The following PRELID2 variants were observed in gnomAD, a reference collection of about 807,000 sequenced individuals.
PRELID2 encodes PRELI domain containing 2, also known as PRELI domain-containing protein 2.
A neutral mutation model predicts 28.4 loss-of-function variants in PRELID2; 25 were observed. The ratio of observed to expected loss-of-function variants is 0.88; its 90% CI spans 0.64 to 1.23. The LOEUF (loss-of-function observed/expected upper bound fraction) is 1.23, where lower values mean the gene tolerates loss of function less well. Among genes scored for constraint, PRELID2 ranks in the 50% most tolerant of loss-of-function variants. The pLI is 0.00. For synonymous variants in PRELID2, 76 were observed against 71.6 expected, an observed-to-expected ratio of 1.06 and a Z score of -0.31; for missense variants, 201 against 214.4, an observed-to-expected ratio of 0.94 and a Z score of 0.39.
chr5:145,369,185 T>C, the PRELID2 span, among the ~76,000 whole-genome samples: 9 of 152,016 alleles, frequency 5.9e-5, no homozygotes, highest in African/African-American at 2.2e-4. Context: ...GGAATACATA[T>C]GCAGAACATA....
the PRELID2 span, among the ~76,000 whole-genome samples, chr5:145,448,857 C>T: frequency 6.6e-6 from 1 of 152,142 alleles, no homozygotes; most frequent in Admixed American, 6.6e-5. Flanking sequence ...AAATATTCAT[C>T]ATCATTCTAA....
At chr5:145,237,587 G>A in the PRELID2 span, among the ~76,000 whole-genome samples, 7 of 152,046 alleles carry the variant, frequency 4.6e-5, no homozygotes, top group Non-Finnish European at 1.0e-4. Context: ...CTGGTCTAAA[G>A]CCGACTTCTC....
the PRELID2 span, among the ~76,000 whole-genome samples, chr5:145,328,689 G>A: frequency 6.6e-6 from 1 of 151,474 alleles, no homozygotes; most frequent in Admixed American, 6.6e-5. Flanking sequence ...TTTGTCAGAA[G>A]GCTAGATTGT....
intron 1 of PRELID2, among the ~76,000 whole-genome samples, chr5:145,718,173 A>T (rs567083389): frequency 6.4e-4 from 98 of 152,196 alleles, no homozygotes; most frequent in African/African-American, 2.3e-3. Flanking sequence ...TCATCTACTT[A>T]GGAAAAACAA....
chr5:145,316,260 A>G, the PRELID2 span, among the ~76,000 whole-genome samples: 6 of 152,228 alleles, frequency 3.9e-5, no homozygotes, highest in African/African-American at 1.4e-4. Context: ...GTTTTGTAAC[A>G]GTTAATCATG....
downstream of PRELID2, among the ~76,000 whole-genome samples, chr5:145,754,687 C>T (rs1335564092): frequency 6.6e-6 from 1 of 152,096 alleles, no homozygotes; most frequent in African/African-American, 2.4e-5. Flanking sequence ...TATGGTGAAG[C>T]TTGGGATGAA....
chr5:145,604,269 T>A (rs1411098937), intron 1 of PRELID2, among the ~76,000 whole-genome samples: 9 of 152,040 alleles, frequency 5.9e-5, no homozygotes, highest in Admixed American at 5.9e-4. Flanking sequence ...AAGTAGGCCC[T>A]AGTGTCTGTT....
At chr5:145,701,220 A>C (rs180823731) in intron 1 of PRELID2, among the ~76,000 whole-genome samples, 4 of 152,334 alleles carry the variant, frequency 2.6e-5, no homozygotes, top group Admixed American at 2.0e-4. Flanking sequence ...TCTGAATCCA[A>C]ACCCAGGCAC....
chr5:145,687,989 C>T (rs893093047), intron 1 of PRELID2, among the ~76,000 whole-genome samples: 4 of 152,202 alleles, frequency 2.6e-5, no homozygotes, highest in African/African-American at 9.7e-5. Context: ...CATGGTGCAG[C>T]CTCAGAAAAG....
At chr5:145,804,229 T>G (rs1184920571) in intron 4 of PRELID2, among the ~76,000 whole-genome samples, 1 of 152,158 alleles carries the variant, frequency 6.6e-6, no homozygotes, top group Non-Finnish European at 1.5e-5. Flanking sequence ...ATTTAAGAAT[T>G]GATTATTAAT....
chr5:145,617,910 T>G (rs1457607345), intron 1 of PRELID2, among the ~76,000 whole-genome samples: 1 of 152,060 alleles, frequency 6.6e-6, no homozygotes, highest in African/African-American at 2.4e-5. Context: ...ATTTTGTATT[T>G]TTAGTAGAGA....
At chr5:145,617,224 G>A (rs1753711609) in intron 1 of PRELID2, among the ~76,000 whole-genome samples, 1 of 152,114 alleles carries the variant, frequency 6.6e-6, no homozygotes, top group African/African-American at 2.4e-5. Flanking sequence ...AGGGTCCTGA[G>A]GTGACATACA....
At chr5:145,654,698 A>C (rs191918841) in intron 1 of PRELID2, among the ~76,000 whole-genome samples, 34,811 of 151,770 alleles carry the variant, frequency 0.23, 7,683 homozygotes, top group African/African-American at 0.58. Context: ...AAATTCAACA[A>C]CCCTTCATGC....
At chr5:145,814,658 T>C (rs1240295402) in intron 4 of PRELID2, among the ~76,000 whole-genome samples, 1 of 152,086 alleles carries the variant, frequency 6.6e-6, no homozygotes, top group Non-Finnish European at 1.5e-5. Flanking sequence ...GCTTTACTAT[T>C]TCCATAAAAT....
the PRELID2 span, among the ~76,000 whole-genome samples, chr5:145,422,016 G>T: frequency 6.7e-6 from 1 of 149,188 alleles, no homozygotes; most frequent in East Asian, 1.9e-4. Context: ...GGAGCAGGTT[G>T]TTCAGTTTCC....
intron 1 of PRELID2, among the ~76,000 whole-genome samples, chr5:145,537,919 A>G (rs1752713468): frequency 6.6e-6 from 1 of 151,886 alleles, no homozygotes; most frequent in African/African-American, 2.4e-5. Context: ...CCCCAGCCCA[A>G]TACCACAGAG....
chr5:145,680,198 T>A (rs1033336794), intron 1 of PRELID2, among the ~76,000 whole-genome samples: 3 of 152,100 alleles, frequency 2.0e-5, no homozygotes, highest in Admixed American at 6.5e-5. Flanking sequence ...ATTCAGAAAT[T>A]TGTGTTTTGA....
At chr5:145,454,790 T>C in the PRELID2 span, among the ~76,000 whole-genome samples, 1 of 152,206 alleles carries the variant, frequency 6.6e-6, no homozygotes. Context: ...TTGAGAAGTG[T>C]CTGTTCATAT....
the PRELID2 span, among the ~76,000 whole-genome samples, chr5:145,366,709 G>T: frequency 6.6e-6 from 1 of 151,844 alleles, no homozygotes; most frequent in South Asian, 2.1e-4. Flanking sequence ...GCGTATCTCT[G>T]TGCTCCATAC....
Sources: gnomAD v4.1 joint callset for allele counts (sites outside exome capture counted in the v4.1 genomes callset) on GRCh38, gnomAD v4.1.1 for gene constraint, MANE v1.5 for transcripts, NCBI Gene and HGNC (gene_info 2026-07-23, HGNC 2026-07-21) for gene names.